The following CDH13 variants were observed in gnomAD, a reference collection of about 807,000 sequenced individuals.
The protein encoded by CDH13 is cadherin-13.
In CDH13, 24 loss-of-function variants were observed where a neutral mutation model predicts 63.8. The observed-to-expected ratio is 0.38, with a 90% CI of 0.27 to 0.53. CDH13 has a LOEUF of 0.53. Among genes scored for constraint, CDH13 ranks in the 20% least tolerant of loss-of-function variants. CDH13 has a pLI of 0.85. For synonymous variants in CDH13, 503 were observed against 355.3 expected (o/e 1.42, Z -4.67); for missense variants, 1,049 against 903.1 (o/e 1.16, Z -2.07).
intron 6 of CDH13, among the ~76,000 whole-genome samples, chr16:83,392,033 G>A (rs149704999): frequency 4.1e-4 from 62 of 152,218 alleles, no homozygotes; most frequent in African/African-American, 1.5e-3. Context: ...ACACCTAATT[G>A]TCACCTCCCA....
At chr16:82,646,665 A>C (rs7205401) in intron 1 of CDH13, among the ~76,000 whole-genome samples, 34,121 of 152,018 alleles carry the variant, frequency 0.22, 5,303 homozygotes, top group African/African-American at 0.44. Context: ...TTTCATTCAA[A>C]CCTATGAGGT....
intron 7 of CDH13, among the ~76,000 whole-genome samples, chr16:83,548,910 C>T (rs1354251237): frequency 1.3e-5 from 2 of 152,198 alleles, no homozygotes; most frequent in Non-Finnish European, 2.9e-5. Flanking sequence ...AGAAAGCCTT[C>T]AGTAGAATTT....
rs74434605 is a variant in CDH13, at chr16:83,265,677, G to C, written c.636+48180G>C. 6.0e-4 allele frequency among the ~76,000 whole-genome samples: 85 copies of C among 141,510 alleles called. 1 individual carries two copies. The highest frequency in any genetic ancestry group is 1.4e-3 in the South Asian group (6 of 4,442). 92.8% of individuals were successfully genotyped at this position (141,510 alleles called of 152,430 possible). On this transcript the variant is annotated intron_variant, in intron 5 of 13. Coordinates refer to ENST00000567109, the MANE Select transcript of CDH13 (RefSeq NM_001257.5). ...AGCTCTTCAAGAATATCATTTACAGGTGTTTGGGTTTTAAAGATTCACCTG... is the reference window on the plus strand; with the variant it reads ...AGCTCTTCAAGAATATCATTTACAGCTGTTTGGGTTTTAAAGATTCACCTG...
intron 4 of CDH13, among the ~76,000 whole-genome samples, chr16:83,180,424 T>C (rs1308748443): frequency 1.3e-5 from 2 of 152,150 alleles, no homozygotes; most frequent in Non-Finnish European, 2.9e-5. Context: ...AATCTATGTT[T>C]TTACAAAAAT....
At chr16:83,074,952 G>T (rs1354435965) in intron 3 of CDH13, among the ~76,000 whole-genome samples, 1 of 152,214 alleles carries the variant, frequency 6.6e-6, no homozygotes, top group Non-Finnish European at 1.5e-5. Context: ...GACACGTGCA[G>T]CCTAAGCAAG....
At chr16:83,210,731 A>G (rs1173370694) in intron 4 of CDH13, among the ~76,000 whole-genome samples, 1 of 151,944 alleles carries the variant, frequency 6.6e-6, no homozygotes, top group Non-Finnish European at 1.5e-5. Context: ...AAAAAAGAGT[A>G]ACCGATTAAA....
intron 1 of CDH13, among the ~76,000 whole-genome samples, chr16:82,815,094 G>A (rs570271294): frequency 6.3e-4 from 95 of 151,700 alleles, no homozygotes; most frequent in African/African-American, 2.0e-3. Flanking sequence ...CCATTATACC[G>A]TAGGCTCAGC....
At chr16:82,759,639 T>A (rs1243107057) in intron 1 of CDH13, among the ~76,000 whole-genome samples, 2 of 151,746 alleles carry the variant, frequency 1.3e-5, no homozygotes, top group African/African-American at 2.4e-5. Context: ...CCATATGCAG[T>A]ATTCCATAGA....
intron 8 of CDH13, among the ~76,000 whole-genome samples, chr16:83,606,609 C>A (rs750424081): frequency 2.6e-5 from 4 of 151,822 alleles, no homozygotes; most frequent in Admixed American, 6.6e-5. Flanking sequence ...GGCATGTAGT[C>A]CCAGCTACCT....
chr16:83,549,969 G>A (rs926896442), intron 7 of CDH13, among the ~76,000 whole-genome samples: 15 of 152,154 alleles, frequency 9.9e-5, no homozygotes, highest in African/African-American at 3.6e-4. Flanking sequence ...AATCTGGATC[G>A]TTCATATAGA....
At chr16:83,417,206 T>A (rs1286161174) in intron 6 of CDH13, among the ~76,000 whole-genome samples, 1 of 152,138 alleles carries the variant, frequency 6.6e-6, no homozygotes, top group South Asian at 2.1e-4. Context: ...CAGGGCAGTC[T>A]GACTTCAGAT....
At chr16:83,104,204 T>A (rs576209638) in intron 3 of CDH13, among the ~76,000 whole-genome samples, 9 of 152,188 alleles carry the variant, frequency 5.9e-5, no homozygotes, top group Non-Finnish European at 1.2e-4. Flanking sequence ...ACCTCAGATG[T>A]GGGAGAATAT....
At chr16:82,790,414 GACAGAGTGAGAC>G (rs2036243499) in intron 1 of CDH13, among the ~76,000 whole-genome samples, 1 of 152,128 alleles carries the variant, frequency 6.6e-6, no homozygotes, top group Non-Finnish European at 1.5e-5. Flanking sequence ...CAGCCTGGGT[GACAGAGTGAGAC>G]TCTGTCTCAA....
chr16:82,769,406 C>G (rs1451331072), intron 1 of CDH13, among the ~76,000 whole-genome samples: 1 of 152,116 alleles, frequency 6.6e-6, no homozygotes, highest in Admixed American at 6.5e-5. Context: ...ATACTGTATC[C>G]TCCTGTGTTA....
At chr16:83,757,828 CA>C (rs1186062097) in intron 11 of CDH13, among the ~76,000 whole-genome samples, 2 of 151,800 alleles carry the variant, frequency 1.3e-5, no homozygotes, top group Admixed American at 1.3e-4. Context: ...TAAAACTTAT[CA>C]AAAATAACCT....
chr16:82,910,034 G>A (rs1227369591), intron 2 of CDH13, among the ~76,000 whole-genome samples: 2 of 152,172 alleles, frequency 1.3e-5, no homozygotes, highest in East Asian at 3.9e-4. Context: ...CTTGGAAGTA[G>A]TGGCATGCGA....
chr16:83,167,486 T>G, intron 4 of CDH13, among the ~76,000 whole-genome samples: 2 of 116,682 alleles, frequency 1.7e-5, no homozygotes, highest in Non-Finnish European at 1.6e-5. Context: ...AGGGACAGAG[T>G]GAGACCCTTT....
chr16:82,796,161 C>T (rs567797234), intron 1 of CDH13, among the ~76,000 whole-genome samples: 4 of 152,020 alleles, frequency 2.6e-5, no homozygotes, highest in South Asian at 2.1e-4. Context: ...TAGGCAGCCT[C>T]GTGGGTAATA....
chr16:82,643,837 A>G (rs1490888984), intron 1 of CDH13, among the ~76,000 whole-genome samples: 4 of 151,928 alleles, frequency 2.6e-5, no homozygotes, highest in Non-Finnish European at 1.5e-5. Context: ...TGACCACCTG[A>G]GCTCAAGCAA....
Sources: allele counts gnomAD v4.1 joint callset (sites outside exome capture counted in the v4.1 genomes callset), GRCh38; gene constraint gnomAD v4.1.1; transcripts MANE v1.5; gene names NCBI Gene and HGNC (gene_info 2026-07-23, HGNC 2026-07-21).